IDO2: variants seen among roughly 807,000 people sequenced by gnomAD.
IDO2 encodes the protein indoleamine 2,3-dioxygenase 2, also known as indoleamine 2,3-dioxygenase-like 1 protein.
A neutral mutation model predicts 45.1 loss-of-function variants in IDO2; 46 were observed. The ratio of observed to expected loss-of-function variants is 1.02; its 90% CI spans 0.80 to 1.30. The LOEUF (loss-of-function observed/expected upper bound fraction) is 1.30. IDO2 is among the 50% of genes most tolerant of loss of function. The pLI is 0.00. For missense variants in IDO2, 544 were observed against 491.8 expected (o/e 1.11, Z -1.00); for synonymous variants, 218 against 184.9 (o/e 1.18, Z -1.45).
intron 1 of IDO2, among the ~76,000 whole-genome samples, chr8:39,941,992 C>A (rs1212230308): frequency 6.6e-6 from 1 of 152,096 alleles, no homozygotes; most frequent in Non-Finnish European, 1.5e-5. Flanking sequence ...ACTCAACAGG[C>A]TGAGGCAGAA....
At chr8:39,976,152 G>C (rs1397580298) in intron 3 of IDO2, among the ~76,000 whole-genome samples, 1 of 151,880 alleles carries the variant, frequency 6.6e-6, no homozygotes, top group Non-Finnish European at 1.5e-5. Flanking sequence ...GCTAATTTTT[G>C]TATTTTTATA....
At chr8:39,964,600 A>G (rs1808054232) in intron 3 of IDO2, among the ~76,000 whole-genome samples, 1 of 152,254 alleles carries the variant, frequency 6.6e-6, no homozygotes. Context: ...TCTTTTTAAA[A>G]TACTCATTGA....
chr8:39,949,209 C>T, exon 2 of IDO2: 4 of 1,607,566 alleles, frequency 2.5e-6, no homozygotes, highest in Non-Finnish European at 3.4e-6. Context: ...GTGCCATTGT[C>T]TTTGGAAAGC....
chr8:39,937,770 G>A (rs878916841), intron 1 of IDO2, among the ~76,000 whole-genome samples: 20 of 152,000 alleles, frequency 1.3e-4, no homozygotes, highest in African/African-American at 4.4e-4. Flanking sequence ...ATCCTCCTGC[G>A]TCAACCTCCC....
At chr8:39,981,137 C>T (rs1030825459) in intron 4 of IDO2, among the ~76,000 whole-genome samples, 2 of 150,898 alleles carry the variant, frequency 1.3e-5, no homozygotes, top group Non-Finnish European at 2.9e-5. Context: ...TCTTGGCTCA[C>T]TGCAAGCTCC....
chr8:39,979,851 A>T (rs1022065128), intron 4 of IDO2, among the ~76,000 whole-genome samples: 3 of 152,098 alleles, frequency 2.0e-5, no homozygotes, highest in Non-Finnish European at 4.4e-5. Context: ...ACAGGGTTGC[A>T]CCATGTTGCC....
At chr8:40,011,058 G>A (rs2129595551) in intron 9 of IDO2, among the ~76,000 whole-genome samples, 1 of 152,192 alleles carries the variant, frequency 6.6e-6, no homozygotes, top group East Asian at 1.9e-4. Context: ...CTACAGGTGT[G>A]CACCACCATA....
intron 8 of IDO2, chr8:39,995,248 T>TCTCCTTCTCCTTCTCCTTCTC (rs1802019562): frequency 9.9e-6 from 1 of 101,428 alleles, no homozygotes. Flanking sequence ...TCCTTCTCCT[T>TCTCCTTCTCCTTCTCCTTCTC]CTCCTTCTTC....
At chr8:39,994,818 C>A (rs1346453195) in intron 8 of IDO2, among the ~76,000 whole-genome samples, 1 of 151,916 alleles carries the variant, frequency 6.6e-6, no homozygotes, top group Non-Finnish European at 1.5e-5. Flanking sequence ...TTAAAAAAAA[C>A]CTTCAGATTA....
chr8:39,979,713 GT>G lies in IDO2; in HGVS notation c.315+533del, dbSNP rs375039650. ...AATTTTTCTGACTAAGAGCTAATTTGTTTTTTAAACTGGTAGCTATTTCTTC... is the reference window on the plus strand; with the variant it reads ...AATTTTTCTGACTAAGAGCTAATTTGTTTTTAAACTGGTAGCTATTTCTTC... On this transcript the variant is annotated intron_variant, in intron 4 of 10. Transcript: ENST00000502986. 5.8e-4 allele frequency among the ~76,000 whole-genome samples: 89 copies of G among 152,298 alleles called. 1 individual carries two copies. The highest frequency in any genetic ancestry group is 3.4e-3 in the Middle Eastern group (1 of 294).
At chr8:39,955,545 AT>A (rs2129593569) in intron 2 of IDO2, among the ~76,000 whole-genome samples, 1 of 152,036 alleles carries the variant, frequency 6.6e-6, no homozygotes, top group African/African-American at 2.4e-5. Context: ...TTGCCTGGTG[AT>A]TTTTAAGAGG....
intron 2 of IDO2, among the ~76,000 whole-genome samples, chr8:39,963,321 T>A (rs1293967786): frequency 6.6e-6 from 1 of 152,236 alleles, no homozygotes; most frequent in East Asian, 1.9e-4. Flanking sequence ...TACTTCCTCT[T>A]CTTTGCAAGT....
chr8:39,965,013 T>A lies in IDO2; in HGVS notation c.195+1310T>A, dbSNP rs576643659. On this transcript the variant is annotated intron_variant, in intron 3 of 10. Transcript: ENST00000502986. Reference sequence around the variant, plus strand: ...GCAAGAGGGCAGGTTAGAATTCAGTTTGTGAATTATGAGGTCGTCTGCCGT... The same window carrying A: ...GCAAGAGGGCAGGTTAGAATTCAGTATGTGAATTATGAGGTCGTCTGCCGT... Among the ~76,000 whole-genome samples the A allele has an allele frequency of 6.2e-4, 95 of 152,312 alleles. 1 individual carries two copies. Among genetic ancestry groups the A allele is most frequent in the African/African-American group, 2.1e-3 (89 of 41,576 alleles).
chr8:39,958,025 C>G (rs573094191), intron 2 of IDO2, among the ~76,000 whole-genome samples: 76 of 151,578 alleles, frequency 5.0e-4, no homozygotes, highest in African/African-American at 1.8e-3. Context: ...CCCGCCTCAG[C>G]CTCCCGAGTA....
At chr8:39,940,628 A>C (rs192807419) in intron 1 of IDO2, among the ~76,000 whole-genome samples, 8 of 152,304 alleles carry the variant, frequency 5.3e-5, no homozygotes, top group Non-Finnish European at 7.4e-5. Flanking sequence ...AAAATACGCA[A>C]TATATTATTA....
At chr8:39,983,676 C>T (rs1585410705) in intron 5 of IDO2, among the ~76,000 whole-genome samples, 1 of 152,172 alleles carries the variant, frequency 6.6e-6, no homozygotes, top group East Asian at 1.9e-4. Context: ...CCAGCCTGGC[C>T]AACATGGTGA....
At chr8:39,995,726 T>C (rs1277526102) in intron 8 of IDO2, among the ~76,000 whole-genome samples, 1 of 152,220 alleles carries the variant, frequency 6.6e-6, no homozygotes, top group African/African-American at 2.4e-5. Flanking sequence ...TATTCCAGTA[T>C]TATAATAATC....
At chr8:39,971,227 T>C (rs2129594103) in intron 3 of IDO2, among the ~76,000 whole-genome samples, 1 of 152,342 alleles carries the variant, frequency 6.6e-6, no homozygotes, top group East Asian at 1.9e-4. Flanking sequence ...CTACTCTGCC[T>C]GTGCTCTGTA....
At chr8:39,945,869 C>T (rs1447899198) in intron 1 of IDO2, among the ~76,000 whole-genome samples, 2 of 152,206 alleles carry the variant, frequency 1.3e-5, no homozygotes, top group Non-Finnish European at 2.9e-5. Flanking sequence ...TGCTTCTAAC[C>T]TCCAAGCTGT....
Sources: gnomAD v4.1 joint callset for allele counts (sites outside exome capture counted in the v4.1 genomes callset) on GRCh38, gnomAD v4.1.1 for gene constraint, MANE v1.5 for transcripts, NCBI Gene and HGNC (gene_info 2026-07-23, HGNC 2026-07-21) for gene names.